The following STK3 variants were observed in gnomAD, a reference collection of about 807,000 sequenced individuals.
The protein encoded by STK3 is serine/threonine kinase 3.
STK3 carries 41 observed loss-of-function variants against 58.0 expected under a neutral mutation model. The observed-to-expected ratio is 0.71, with a 90% CI of 0.55 to 0.92. The LOEUF (loss-of-function observed/expected upper bound fraction) is 0.92, where lower values mean the gene tolerates loss of function less well. Ranked by LOEUF, STK3 falls within the 40% of genes least tolerant of loss-of-function variation. The probability of loss-of-function intolerance (pLI) is 0.00; values close to 1 mark genes in which losing one functional copy is unlikely to be tolerated. For missense variants in STK3, 479 were observed against 602.7 expected (o/e 0.79, Z 2.15); for synonymous variants, 170 against 191.0 (o/e 0.89, Z 0.91).
chr8:98,633,476 G>A (rs1819404727), intron 6 of STK3: 2 of 602,290 alleles, frequency 3.3e-6, no homozygotes, highest in Non-Finnish European at 6.1e-6. Flanking sequence ...TGATCCAGAA[G>A]AAGGTAGAAC....
intron 10 of STK3, among the ~76,000 whole-genome samples, chr8:98,467,403 G>C (rs1422544205): frequency 1.3e-5 from 2 of 152,046 alleles, no homozygotes; most frequent in Non-Finnish European, 2.9e-5. Context: ...GAGGGAGGCG[G>C]CTGGCTTCAG....
At chr8:98,422,014 C>G (rs950806384) in intron 3 of STK3, among the ~76,000 whole-genome samples, 1 of 152,100 alleles carries the variant, frequency 6.6e-6, no homozygotes, top group African/African-American at 2.4e-5. Context: ...TTAAAGGACT[C>G]TTAGAGAAGC....
intron 9 of STK3, among the ~76,000 whole-genome samples, chr8:98,528,779 A>G (rs955964514): frequency 1.3e-4 from 20 of 152,342 alleles, no homozygotes; most frequent in African/African-American, 4.6e-4. Context: ...TAAGTTACAA[A>G]AAGTATTTTT....
chr8:98,824,069 A>G (rs1425809192), intron 1 of STK3, among the ~76,000 whole-genome samples: 1 of 152,248 alleles, frequency 6.6e-6, no homozygotes, highest in African/African-American at 2.4e-5. Context: ...AGGATTAAAT[A>G]TTATGAATAT....
intron 1 of STK3, among the ~76,000 whole-genome samples, chr8:98,380,403 C>T (rs1338650847): frequency 6.6e-6 from 1 of 152,160 alleles, no homozygotes. Context: ...CATCTACTTA[C>T]CTTTTTATAA....
At chr8:98,891,520 T>A (rs1449005835) in intron 1 of STK3, among the ~76,000 whole-genome samples, 1 of 152,214 alleles carries the variant, frequency 6.6e-6, no homozygotes, top group Non-Finnish European at 1.5e-5. Context: ...GCACTCTTGA[T>A]ATGTACATAG....
At chr8:98,456,087 TGAG>T in intron 10 of STK3, 87 bp from the exon 11 acceptor site, 11 of 1,296,504 alleles carry the variant, frequency 8.5e-6, no homozygotes, top group African/African-American at 1.5e-5. Context: ...TAATGTCTAA[TGAG>T]TTTTAACATA....
intron 1 of STK3, among the ~76,000 whole-genome samples, chr8:98,901,131 G>A (rs910514936): frequency 2.0e-5 from 3 of 152,130 alleles, no homozygotes; most frequent in Non-Finnish European, 4.4e-5. Flanking sequence ...CCCTGTGTGA[G>A]AGAAATCTAG....
intron 1 of STK3, among the ~76,000 whole-genome samples, chr8:98,935,828 G>A (rs1160599684): frequency 6.6e-6 from 1 of 152,172 alleles, no homozygotes; most frequent in Non-Finnish European, 1.5e-5. Context: ...ATTTTGTAAG[G>A]TCAGTTCATG....
chr8:98,635,366 C>T (rs1819544729), intron 6 of STK3, among the ~76,000 whole-genome samples: 1 of 151,956 alleles, frequency 6.6e-6, no homozygotes, highest in Non-Finnish European at 1.5e-5. Flanking sequence ...TCTTTTAATC[C>T]TCACCAAAAC....
intron 1 of STK3, among the ~76,000 whole-genome samples, chr8:98,897,031 G>A (rs1838476760): frequency 6.6e-6 from 1 of 150,562 alleles, no homozygotes; most frequent in African/African-American, 2.4e-5. Flanking sequence ...GAAAGAGAAA[G>A]AAAGAAATAA....
upstream of STK3, chr8:98,825,798 GCCC>G (rs1564039729): frequency 3.0e-4 from 20 of 67,664 alleles, no homozygotes; most frequent in African/African-American, 1.1e-3. Flanking sequence ...GCCCCCGGCC[GCCC>G]CGCCCCGCCC....
chr8:98,812,982 A>G (rs1300727781), intron 1 of STK3, among the ~76,000 whole-genome samples: 1 of 151,856 alleles, frequency 6.6e-6, no homozygotes, highest in Non-Finnish European at 1.5e-5. Flanking sequence ...ACATGTATAC[A>G]TATGTAACAA....
intron 4 of STK3, among the ~76,000 whole-genome samples, chr8:98,736,944 TTAA>T (rs1828644890): frequency 6.6e-6 from 1 of 152,188 alleles, no homozygotes; most frequent in South Asian, 2.1e-4. Context: ...ATTAATGTGG[TTAA>T]TATATGTAGT....
intron 1 of STK3, among the ~76,000 whole-genome samples, chr8:98,793,517 A>T (rs756738627): frequency 1.2e-4 from 19 of 152,178 alleles, no homozygotes; most frequent in Non-Finnish European, 2.5e-4. Flanking sequence ...AATCAGAGTG[A>T]GACAGTCTCA....
chr8:98,798,263 A>G (rs1356687363), intron 1 of STK3, among the ~76,000 whole-genome samples: 8 of 152,244 alleles, frequency 5.3e-5, no homozygotes, highest in Non-Finnish European at 1.0e-4. Context: ...AAATGAATCC[A>G]GTAAACACGA....
intron 1 of STK3, among the ~76,000 whole-genome samples, chr8:98,814,772 C>T (rs116309639): frequency 1.9e-3 from 295 of 152,300 alleles, no homozygotes; most frequent in African/African-American, 6.7e-3. Context: ...GGAACCTCAA[C>T]GTCCCAGGCT....
At chr8:98,521,614 T>C (rs1825368250) in intron 10 of STK3, among the ~76,000 whole-genome samples, 1 of 152,132 alleles carries the variant, frequency 6.6e-6, no homozygotes, top group Admixed American at 6.6e-5. Context: ...ATTAAATAAA[T>C]ATTCAGACTC....
intron 8 of STK3, among the ~76,000 whole-genome samples, chr8:98,556,182 C>G (rs548979686): frequency 2.6e-4 from 39 of 152,160 alleles, no homozygotes; most frequent in Non-Finnish European, 2.4e-4. Context: ...TTTAGGCCTT[C>G]AATTTTACAT....
Sources: allele counts gnomAD v4.1 joint callset (sites outside exome capture counted in the v4.1 genomes callset), GRCh38; gene constraint gnomAD v4.1.1; transcripts MANE v1.5; gene names NCBI Gene and HGNC (gene_info 2026-07-23, HGNC 2026-07-21).